ATP13A4: variants seen among roughly 807,000 people sequenced by gnomAD.
ATP13A4 encodes ATPase 13A4, also known as probable cation-transporting ATPase 13A4.
A neutral mutation model predicts 142.5 loss-of-function variants in ATP13A4; 114 were observed. The ratio of observed to expected loss-of-function variants is 0.80; its 90% CI spans 0.69 to 0.93. The LOEUF (loss-of-function observed/expected upper bound fraction) is 0.93. ATP13A4 is among the 40% of genes least tolerant of loss of function. The pLI is 0.00. For synonymous variants in ATP13A4, 488 were observed against 514.8 expected, an observed-to-expected ratio of 0.95 and a Z score of 0.70; for missense variants, 1,392 against 1,454.0, an observed-to-expected ratio of 0.96 and a Z score of 0.69.
At chr3:193,420,695 A>T (rs1210946661) in intron 25 of ATP13A4, among the ~76,000 whole-genome samples, 1 of 149,748 alleles carries the variant, frequency 6.7e-6, no homozygotes, top group Non-Finnish European at 1.5e-5. Context: ...TGAGAAACTT[A>T]ACAAAGAGAT....
Position 193,513,791 on chromosome 3 carries a change from C to G in ATP13A4, c.234+907G>C, listed in dbSNP as rs543737784. 4.6e-5 allele frequency among the ~76,000 whole-genome samples: 7 copies of G among 152,318 alleles called. No individual in the cohort carries two copies. In the South Asian group the frequency reaches 1.2e-3, roughly 27 times the overall value. ...GTGTATCTGCAGAATGTGACATGCT[C>G]TCATCAATCAGCTGGGACAGACAGC... On this transcript the variant is annotated intron_variant, in intron 2 of 29. Coordinates refer to ENST00000342695, the MANE Select transcript of ATP13A4 (RefSeq NM_032279.4).
chr3:193,556,975 G>A (rs547398818), upstream of ATP13A4, among the ~76,000 whole-genome samples: 1 of 152,278 alleles, frequency 6.6e-6, no homozygotes, highest in African/African-American at 2.4e-5. Context: ...TGAGAAAGAA[G>A]TAATTCATTC....
At chr3:193,433,746 G>A in intron 25 of ATP13A4, 99 bp downstream of exon 25, 1 of 828,280 alleles carries the variant, frequency 1.2e-6, no homozygotes, top group South Asian at 1.4e-5. Flanking sequence ...CATTGCTGCT[G>A]TTGCAGCTGC....
chr3:193,427,871 T>C (rs1715753252), intron 25 of ATP13A4, among the ~76,000 whole-genome samples: 1 of 152,152 alleles, frequency 6.6e-6, no homozygotes, highest in African/African-American at 2.4e-5. Context: ...ATTCCGGACA[T>C]AGGCATGGGC....
chr3:193,565,170 T>A (rs1577082914), intron 2 of ATP13A4, among the ~76,000 whole-genome samples: 1 of 152,278 alleles, frequency 6.6e-6, no homozygotes, highest in Non-Finnish European at 1.5e-5. Context: ...ACTCCAACAG[T>A]CCATGGAAAA....
intron 1 of ATP13A4, among the ~76,000 whole-genome samples, chr3:193,582,149 C>CTTTTTTT (rs61610633): frequency 8.0e-6 from 1 of 124,440 alleles, no homozygotes; most frequent in African/African-American, 2.9e-5. Context: ...CTTTTCTTTT[C>CTTTTTTT]TTTTTTTTTT....
intron 7 of ATP13A4, among the ~76,000 whole-genome samples, chr3:193,488,614 T>C (rs1398291661): frequency 1.3e-5 from 2 of 152,178 alleles, no homozygotes; most frequent in African/African-American, 4.8e-5. Flanking sequence ...AAGATTTGTT[T>C]AAATGGAGTC....
chr3:193,492,820 T>TTGGATATTAATGGATATTAATG, intron 5 of ATP13A4, 97 bp downstream of exon 5: 2 of 894,406 alleles, frequency 2.2e-6, no homozygotes, highest in Non-Finnish European at 3.7e-6. Flanking sequence ...TAATATTTTC[T>TTGGATATTAATGGATATTAATG]GATATTAATC....
At chr3:193,445,028 C>A (rs1029088998) in intron 18 of ATP13A4, among the ~76,000 whole-genome samples, 2 of 152,214 alleles carry the variant, frequency 1.3e-5, no homozygotes, top group African/African-American at 4.8e-5. Context: ...AAAAATCTAA[C>A]AACCTGTCTA....
chr3:193,569,916 G>A (rs139418353), intron 2 of ATP13A4, among the ~76,000 whole-genome samples: 14 of 152,330 alleles, frequency 9.2e-5, no homozygotes, highest in African/African-American at 3.1e-4. Flanking sequence ...CGGGGTATAT[G>A]AGAACTCTCT....
At chr3:193,532,032 C>A (rs1208979598) in intron 1 of ATP13A4, among the ~76,000 whole-genome samples, 1 of 152,012 alleles carries the variant, frequency 6.6e-6, no homozygotes, top group Non-Finnish European at 1.5e-5. Context: ...GTGAGACTAC[C>A]AACCATATGC....
At position 193,457,373 on chromosome 3, in the gene ATP13A4, G is replaced by C. The variant is rs570599503; in HGVS notation, c.1761+6C>G. Reference sequence around the variant, plus strand: ...TGTTGTGGGGTGAAGAGCAAGCAGGGCTTACCTGGCTGGCTGTTCTGCAGG... The same window carrying C: ...TGTTGTGGGGTGAAGAGCAAGCAGGCCTTACCTGGCTGGCTGTTCTGCAGG... On this transcript the variant is annotated splice_donor_region_variant and intron_variant, in intron 15 of 29. Coordinates refer to ENST00000342695, the MANE Select transcript of ATP13A4 (RefSeq NM_032279.4). The C allele has an allele frequency of 2.5e-6, 4 of 1,614,042 alleles. No individual in the cohort carries two copies. Among genetic ancestry groups the C allele is most frequent in the Middle Eastern group, 1.7e-4 (1 of 6,058 alleles).
chr3:193,582,084 CATAT>C (rs71912541), intron 1 of ATP13A4, among the ~76,000 whole-genome samples: 41 of 43,568 alleles, frequency 9.4e-4, no homozygotes, highest in Middle Eastern at 0.016. Context: ...AAAAGACTTC[CATAT>C]ATATATATAT....
chr3:193,510,714 C>T (rs749988169), intron 2 of ATP13A4, among the ~76,000 whole-genome samples: 4 of 152,012 alleles, frequency 2.6e-5, no homozygotes, highest in Non-Finnish European at 4.4e-5. Flanking sequence ...TCAGTCAGTA[C>T]ATCACCGTCT....
intron 18 of ATP13A4, 22 bp from the exon 19 acceptor site, chr3:193,442,578 T>G (rs1285503512): frequency 1.9e-6 from 3 of 1,607,826 alleles, no homozygotes; most frequent in Non-Finnish European, 2.6e-6. Context: ...GAGGAGTATC[T>G]CAAGATGAGG....
At chr3:193,560,413 T>G (rs1319663328) in intron 2 of ATP13A4, among the ~76,000 whole-genome samples, 2 of 152,144 alleles carry the variant, frequency 1.3e-5, no homozygotes, top group Non-Finnish European at 2.9e-5. Context: ...AAAAACATGT[T>G]GCCCAGGCTG....
intron 8 of ATP13A4, among the ~76,000 whole-genome samples, chr3:193,478,010 C>T (rs1719068807): frequency 6.6e-6 from 1 of 151,868 alleles, no homozygotes; most frequent in African/African-American, 2.4e-5. Context: ...AACTGCAAAA[C>T]ACTGCCAAAG....
intron 1 of ATP13A4, 26 bp downstream of exon 1, chr3:193,554,714 A>G (rs767405721): frequency 1.2e-6 from 2 of 1,611,702 alleles, no homozygotes; most frequent in Non-Finnish European, 1.7e-6. Context: ...TGGGATGGGA[A>G]GAAGGGAATG....
intron 20 of ATP13A4, 47 bp downstream of exon 20, chr3:193,441,419 C>T: frequency 1.2e-6 from 2 of 1,608,362 alleles, no homozygotes; most frequent in Non-Finnish European, 1.7e-6. Context: ...CTGTAAGTGA[C>T]ATCATCAGCA....
Sources: gnomAD v4.1 joint callset for allele counts (sites outside exome capture counted in the v4.1 genomes callset) on GRCh38, gnomAD v4.1.1 for gene constraint, MANE v1.5 for transcripts, NCBI Gene and HGNC (gene_info 2026-07-23, HGNC 2026-07-21) for gene names.